The following PALM variants were observed in gnomAD, a reference collection of about 807,000 sequenced individuals.
PALM encodes paralemmin.
PALM carries 18 observed loss-of-function variants against 30.7 expected under a neutral mutation model. The observed-to-expected ratio is 0.59, with a 90% CI of 0.41 to 0.87. PALM has a LOEUF of 0.87. PALM is among the 40% of genes least tolerant of loss of function. The pLI, the probability that PALM is intolerant of heterozygous loss-of-function variation, is 0.00. For missense variants in PALM, 529 were observed against 555.4 expected (o/e 0.95, Z 0.48); for synonymous variants, 286 against 242.8 (o/e 1.18, Z -1.66).
At position 709,117 on chromosome 19, in the gene PALM, C is replaced by G. The variant is rs2031983575; in HGVS notation, c.-30C>G. Reference sequence around the variant, plus strand: ...CACCCGCGCCCGCCCCCGCCCGGCACCGCGGACCCACCCGGACCTCGGCGG... The same window carrying G: ...CACCCGCGCCCGCCCCCGCCCGGCAGCGCGGACCCACCCGGACCTCGGCGG... On this transcript the variant is annotated 5_prime_UTR_variant, in exon 1 of 9. Transcript: ENST00000338448. This position sits in a 1 kb window ranked among gnomAD's most constrained non-coding sequence, Gnocchi z 4.3. 3.3e-6 allele frequency: 1 copy of G among 305,184 alleles called. No homozygotes were observed. Among genetic ancestry groups the G allele is most frequent in the South Asian group, 1.4e-4 (1 of 7,000 alleles). The allele number at this position is 305,184 out of a possible 1,614,324, so 18.9% of individuals were successfully genotyped here.
chr19:745,852 A>G (rs1020162682), intron 8 of PALM, among the ~76,000 whole-genome samples: 1 of 152,100 alleles, frequency 6.6e-6, no homozygotes, highest in African/African-American at 2.4e-5. Context: ...TGAGGTCAGG[A>G]GTTCGAGACC....
At position 746,289 on chromosome 19, in the gene PALM, C is replaced by T; in HGVS notation, c.639C>T (p.Val213=). The part of the protein sequence containing the change: ...IKVYEDETKV[V]HAVDGTAENG... ...TCTCTGTCTCTCCTTGTACAGTGGTCCATGCTGTGGACGGCACCGCCGAGA... is the reference window on the plus strand; with the variant it reads ...TCTCTGTCTCTCCTTGTACAGTGGTTCATGCTGTGGACGGCACCGCCGAGA... Residue 213 remains valine, a synonymous_variant, in exon 9 of 9, where the codon GTC becomes GTT. Transcript: ENST00000338448. This position sits in a 1 kb window ranked among gnomAD's most constrained non-coding sequence, Gnocchi z 7.1. The T allele has an allele frequency of 6.2e-7, 1 of 1,611,914 alleles. No individual in the cohort carries two copies.
At chr19:729,511 G>A (rs939076755) in intron 4 of PALM, among the ~76,000 whole-genome samples, 2 of 140,810 alleles carry the variant, frequency 1.4e-5, no homozygotes, top group South Asian at 4.8e-4. Flanking sequence ...TGTCGCCCAG[G>A]CTGGAGTGCG....
chr19:734,053 A>C (rs1382225252), intron 5 of PALM, 120 bp from the exon 6 acceptor site: 4 of 807,840 alleles, frequency 5.0e-6, no homozygotes, highest in Non-Finnish European at 8.5e-6. Flanking sequence ...TAGGATGAGA[A>C]GCGGGTGCGT....
At chr19:723,315 G>A (rs1198269283) in intron 1 of PALM, among the ~76,000 whole-genome samples, 1 of 152,108 alleles carries the variant, frequency 6.6e-6, no homozygotes, top group East Asian at 1.9e-4. Context: ...AGACACGAAG[G>A]GCAGGCTGTA....
chr19:712,312 C>T (rs998465045), intron 1 of PALM, among the ~76,000 whole-genome samples: 2 of 151,360 alleles, frequency 1.3e-5, no homozygotes, highest in Non-Finnish European at 2.9e-5. Context: ...GCGTGAGCCA[C>T]GTGCCTGGCT....
intron 1 of PALM, among the ~76,000 whole-genome samples, chr19:714,387 C>G (rs1389689662): frequency 8.4e-6 from 1 of 119,120 alleles, no homozygotes; most frequent in African/African-American, 3.2e-5. Context: ...CAGATGGAGT[C>G]TCTCTCTGTC....
chr19:710,814 A>G (rs912740762), intron 1 of PALM, among the ~76,000 whole-genome samples: 7 of 152,198 alleles, frequency 4.6e-5, no homozygotes, highest in Admixed American at 2.0e-4. Context: ...ACAGGCACCC[A>G]GTGTTAACCG....
At chr19:719,262 T>A (rs1599139412) in intron 1 of PALM, 1 of 985,326 alleles carries the variant, frequency 1.0e-6, no homozygotes, top group South Asian at 4.7e-5. Context: ...GGCCGTTGCG[T>A]AACCTCTCTG....
In PALM at chr19:740,624, G is replaced by C; in HGVS notation, c.634+141G>C. On this transcript the variant is annotated intron_variant, in intron 8 of 8. Transcript: ENST00000338448. ...AGCAGATGACGCTGTTCAGGCCAGG[G>C]CCTCACCCCCTGTGGCCCACAGCTG... 7 of 814,232 alleles carry C rather than the reference G, an allele frequency of 8.6e-6. No individual in the cohort carries two copies. In the South Asian group the frequency reaches 1.1e-4, roughly 13 times the overall value. The allele number at this position is 814,232 out of a possible 1,614,324, so 50.4% of individuals were successfully genotyped here.
intron 1 of PALM, among the ~76,000 whole-genome samples, chr19:724,279 C>T (rs2032588418): frequency 6.6e-6 from 1 of 152,132 alleles, no homozygotes; most frequent in South Asian, 2.1e-4. Context: ...AGCCCGGTCC[C>T]TTCAGGCGTA....
chr19:717,227 A>T (rs1444469802), intron 1 of PALM, among the ~76,000 whole-genome samples: 1 of 152,030 alleles, frequency 6.6e-6, no homozygotes, highest in Non-Finnish European at 1.5e-5. Flanking sequence ...CGCGCCCAGC[A>T]GAGTTGTGTA....
At chr19:738,558 C>G (rs1331659978) in intron 7 of PALM, among the ~76,000 whole-genome samples, 2 of 151,804 alleles carry the variant, frequency 1.3e-5, no homozygotes, top group African/African-American at 2.4e-5. Flanking sequence ...TGAGCTGCCC[C>G]CAACGGGTGG....
intron 1 of PALM, among the ~76,000 whole-genome samples, chr19:720,160 A>C (rs1445524512): frequency 6.9e-6 from 1 of 144,718 alleles, no homozygotes; most frequent in East Asian, 2.2e-4. Context: ...GGCCCCCCCC[A>C]ATCCCCCCAA....
intron 7 of PALM, 159 bp downstream of exon 7, chr19:736,237 C>A: frequency 1.8e-6 from 1 of 559,332 alleles, no homozygotes; most frequent in Non-Finnish European, 3.1e-6. Flanking sequence ...GAGGCCGAGG[C>A]TCCGAGCCTG....
intron 4 of PALM, among the ~76,000 whole-genome samples, chr19:729,038 G>A (rs957144116): frequency 6.6e-6 from 1 of 151,454 alleles, no homozygotes; most frequent in Non-Finnish European, 1.5e-5. Context: ...TAAAGGCATG[G>A]ACATGCTGGG....
chr19:742,885 G>A lies in PALM; in HGVS notation c.634+2402G>A, dbSNP rs916367788. ...AATTTGTGTGCAAGTATTTGTTCAC[G>A]CCCCTGCTTTCGAGGCCTTTGGGTG... On this transcript the variant is annotated intron_variant, in intron 8 of 8. Coordinates refer to ENST00000338448, the MANE Select transcript of PALM (RefSeq NM_002579.3). This position sits in a 1 kb window ranked among gnomAD's most constrained non-coding sequence, Gnocchi z 5.5. Among the ~76,000 whole-genome samples, 8 of 152,276 alleles carry A rather than the reference G, an allele frequency of 5.3e-5. No homozygotes were observed. The South Asian group carries it at 1.0e-3, about 20-fold the overall frequency.
intron 5 of PALM, among the ~76,000 whole-genome samples, 165 bp downstream of exon 5, chr19:731,410 G>A (rs574808902): frequency 5.9e-5 from 9 of 152,332 alleles, no homozygotes; most frequent in South Asian, 4.1e-4. Context: ...TGTGTGAGCC[G>A]GGACACGTGG....
At chr19:738,914 A>G (rs2033105119) in intron 7 of PALM, among the ~76,000 whole-genome samples, 1 of 152,164 alleles carries the variant, frequency 6.6e-6, no homozygotes, top group South Asian at 2.1e-4. Context: ...CATTGGGAAC[A>G]GCCTGTGCAA....
Sources: gnomAD v4.1 joint callset for allele counts (sites outside exome capture counted in the v4.1 genomes callset) on GRCh38, gnomAD v4.1.1 for gene constraint, Gnocchi (gnomAD v3.1) non-coding constraint, MANE v1.5 for transcripts, NCBI Gene and HGNC (gene_info 2026-07-23, HGNC 2026-07-21) for gene names.